The following BANK1 variants were observed in gnomAD, a reference collection of about 807,000 sequenced individuals.
BANK1 encodes the protein B cell scaffold protein with ankyrin repeats 1.
A neutral mutation model predicts 94.5 loss-of-function variants in BANK1; 95 were observed. That is an observed-to-expected ratio of 1.00 (90% CI 0.85 to 1.19). The LOEUF is 1.19. BANK1 is among the 50% of genes most tolerant of loss of function. The probability of loss-of-function intolerance (pLI) is 0.00; values close to 1 mark genes in which losing one functional copy is unlikely to be tolerated. For missense variants in BANK1, 987 were observed against 932.2 expected (o/e 1.06, Z -0.77); for synonymous variants, 334 against 308.4 (o/e 1.08, Z -0.87).
chr4:102,070,794 G>A (rs1728731508), intron 13 of BANK1, among the ~76,000 whole-genome samples: 1 of 152,164 alleles, frequency 6.6e-6, no homozygotes, highest in Admixed American at 6.5e-5. Flanking sequence ...TTTGAGTGAA[G>A]GTTGACATAA....
intron 6 of BANK1, among the ~76,000 whole-genome samples, chr4:101,908,115 T>A (rs1051706809): frequency 5.9e-5 from 9 of 152,046 alleles, no homozygotes; most frequent in Non-Finnish European, 1.2e-4. Context: ...CTAAACCAAA[T>A]GAACAAAGCC....
intron 6 of BANK1, among the ~76,000 whole-genome samples, chr4:101,915,393 T>C (rs1367205621): frequency 6.6e-6 from 1 of 152,144 alleles, no homozygotes; most frequent in Non-Finnish European, 1.5e-5. Flanking sequence ...AGAATTTTGG[T>C]ATTTAAGTAA....
chr4:101,927,992 C>T (rs1326378503), intron 7 of BANK1, among the ~76,000 whole-genome samples: 1 of 151,658 alleles, frequency 6.6e-6, no homozygotes, highest in East Asian at 2.0e-4. Flanking sequence ...TTAAATGCTA[C>T]TGACAGGTCA....
chr4:102,065,340 C>A (rs982613093), intron 13 of BANK1, among the ~76,000 whole-genome samples: 4 of 151,990 alleles, frequency 2.6e-5, no homozygotes, highest in African/African-American at 9.7e-5. Flanking sequence ...AAACTCAGGG[C>A]CTTAAAAAGA....
rs1724042353 is a variant in BANK1, at chr4:101,949,090, A to G, written c.1206+30901A>G. Among the ~76,000 whole-genome samples, 3 of 152,126 alleles carry G rather than the reference A, an allele frequency of 2.0e-5. No homozygotes were observed. The South Asian group carries it at 6.2e-4, about 32-fold the overall frequency. On this transcript the variant is annotated intron_variant, in intron 7 of 16. Transcript: ENST00000322953. Reference sequence around the variant, plus strand: ...TGGGCTTGCTCTTATTTCTGTGGCCAGCTGACAGGTCAGCTGGGATCTGGC... The same window carrying G: ...TGGGCTTGCTCTTATTTCTGTGGCCGGCTGACAGGTCAGCTGGGATCTGGC...
At chr4:101,815,962 C>G (rs1482933819) in intron 1 of BANK1, among the ~76,000 whole-genome samples, 1 of 152,118 alleles carries the variant, frequency 6.6e-6, no homozygotes, top group Non-Finnish European at 1.5e-5. Context: ...AATATCTACC[C>G]TAACTACCCT....
intron 11 of BANK1, among the ~76,000 whole-genome samples, chr4:102,052,363 A>C (rs991819484): frequency 6.6e-6 from 1 of 151,762 alleles, no homozygotes; most frequent in Non-Finnish European, 1.5e-5. Flanking sequence ...TGATCCACCC[A>C]CCTCGGCCTC....
Position 101,790,945 on chromosome 4 carries a change from C to T in BANK1, c.65C>T (p.Pro22Leu), listed in dbSNP as rs1724959616. 2 of 1,519,476 alleles carry T rather than the reference C, an allele frequency of 1.3e-6. No individual in the cohort carries two copies. The highest frequency in any genetic ancestry group is 2.1e-5 in the Admixed American group (1 of 48,326). The allele number at this position is 1,519,476 out of a possible 1,614,324, so 94.1% of individuals were successfully genotyped here. Residue 22 changes from proline to leucine, a missense_variant, in exon 1 of 17, where the codon CCC (proline) becomes CTC (leucine). Coordinates refer to ENST00000322953, the MANE Select transcript of BANK1 (RefSeq NM_017935.5). ...SPDPAPCGPAPPGNTKDIIMI... is the reference protein window; with the variant it reads ...SPDPAPCGPALPGNTKDIIMI... The stretch of plus-strand genomic sequence containing the variant: ...GACCCCGCCCCCTGCGGCCCAGCGC[C>T]CCCAGGTGGGTAGTCGCGCATTCGG...
chr4:101,812,095 T>G (rs1444452840), intron 1 of BANK1, among the ~76,000 whole-genome samples: 1 of 152,018 alleles, frequency 6.6e-6, no homozygotes, highest in African/African-American at 2.4e-5. Flanking sequence ...GTAAGTTATC[T>G]TGTTGAATTT....
At position 101,790,879 on chromosome 4, in the gene BANK1, CA is replaced by C. The variant is rs1724953466; in HGVS notation, c.1del. 1 of 1,538,468 alleles carries C rather than the reference CA, an allele frequency of 6.5e-7. No homozygotes were observed. The highest frequency in any genetic ancestry group is 8.7e-7 in the Non-Finnish European group (1 of 1,146,714). ...GCAGGCCCCTCGGCTTCAACCGCCA[CA>C]ATGCTGCCAGCAGCGCCAGGCAAGG... On this transcript the variant is annotated 5_prime_UTR_variant, in exon 1 of 17. Coordinates refer to ENST00000322953, the MANE Select transcript of BANK1 (RefSeq NM_017935.5).
chr4:101,978,744 A>G (rs931205460), intron 7 of BANK1, among the ~76,000 whole-genome samples: 2 of 152,014 alleles, frequency 1.3e-5, no homozygotes, highest in Non-Finnish European at 2.9e-5. Context: ...TGATTTTCTT[A>G]TTTAATGCCA....
At chr4:101,833,010 G>A (rs969768913) in intron 2 of BANK1, among the ~76,000 whole-genome samples, 26 of 147,560 alleles carry the variant, frequency 1.8e-4, no homozygotes, top group African/African-American at 6.5e-4. Context: ...ACGGAGTTTT[G>A]CTCTTGTTGC....
chr4:102,050,384 G>A (rs1454343504), intron 11 of BANK1, among the ~76,000 whole-genome samples: 2 of 152,142 alleles, frequency 1.3e-5, no homozygotes, highest in African/African-American at 4.8e-5. Context: ...CTCTAGATGA[G>A]CATAAGAATT....
chr4:101,972,518 G>T (rs1395864891), intron 7 of BANK1: 1 of 151,986 alleles, frequency 6.6e-6, no homozygotes, highest in Non-Finnish European at 1.5e-5. Flanking sequence ...ACTAAAAGCT[G>T]TCCACAGTAC....
intron 8 of BANK1, 108 bp from the exon 9 acceptor site, chr4:102,025,093 C>A: frequency 1.7e-6 from 2 of 1,183,422 alleles, no homozygotes; most frequent in South Asian, 1.5e-5. Context: ...TATATCAGGT[C>A]ATAAAAGTTT....
intron 1 of BANK1, among the ~76,000 whole-genome samples, chr4:101,803,441 T>TA (rs1725422778): frequency 6.6e-6 from 1 of 152,138 alleles, no homozygotes; most frequent in South Asian, 2.1e-4. Context: ...TCCAGCTATT[T>TA]AGTTGGGGTA....
At chr4:102,040,085 AAGGGT>A (rs1015509107) in intron 10 of BANK1, among the ~76,000 whole-genome samples, 1 of 152,120 alleles carries the variant, frequency 6.6e-6, no homozygotes, top group African/African-American at 2.4e-5. Context: ...GCAGCTATGG[AAGGGT>A]CCCTTTGCTT....
intron 7 of BANK1, among the ~76,000 whole-genome samples, chr4:101,953,206 C>T (rs751621153): frequency 1.3e-5 from 2 of 152,134 alleles, no homozygotes; most frequent in African/African-American, 4.8e-5. Flanking sequence ...CATCCATAAA[C>T]TTGATGTTTA....
At chr4:101,799,690 C>A (rs1219587148) in intron 1 of BANK1, among the ~76,000 whole-genome samples, 1 of 151,924 alleles carries the variant, frequency 6.6e-6, no homozygotes, top group African/African-American at 2.4e-5. Flanking sequence ...CTGGCTAACA[C>A]GGTGAAACCC....
Sources: gnomAD v4.1 joint callset for allele counts (sites outside exome capture counted in the v4.1 genomes callset) on GRCh38, gnomAD v4.1.1 for gene constraint, MANE v1.5 for transcripts, NCBI Gene and HGNC (gene_info 2026-07-23, HGNC 2026-07-21) for gene names.